The following KCNIP4 variants were observed in gnomAD, a reference collection of about 807,000 sequenced individuals.
KCNIP4 encodes the protein Kv channel-interacting protein 4.
A neutral mutation model predicts 34.0 loss-of-function variants in KCNIP4; 12 were observed. The observed-to-expected ratio is 0.35, with a 90% CI of 0.23 to 0.57. The LOEUF is 0.57. Ranked by LOEUF, KCNIP4 falls within the 20% of genes least tolerant of loss-of-function variation. KCNIP4 has a pLI of 0.83. For synonymous variants in KCNIP4, 124 were observed against 102.2 expected (o/e 1.21, Z -1.29); for missense variants, 238 against 311.7 (o/e 0.76, Z 1.78).
chr4:21,574,230 T>C (rs1024258290), intron 1 of KCNIP4, among the ~76,000 whole-genome samples: 3 of 152,190 alleles, frequency 2.0e-5, no homozygotes, highest in Admixed American at 6.5e-5. Flanking sequence ...TGTAAGTTTA[T>C]CGTGTACCTG....
At chr4:21,871,570 C>T (rs1725814123) in intron 1 of KCNIP4, among the ~76,000 whole-genome samples, 1 of 152,008 alleles carries the variant, frequency 6.6e-6, no homozygotes, top group Non-Finnish European at 1.5e-5. Context: ...CATGTTCTCA[C>T]TTATAGGTGG....
intron 1 of KCNIP4, among the ~76,000 whole-genome samples, chr4:20,955,643 TGAATA>T: frequency 6.6e-6 from 1 of 152,136 alleles, no homozygotes; most frequent in African/African-American, 2.4e-5. Flanking sequence ...GAAACTTTCT[TGAATA>T]GAGTGAAAAA....
At chr4:20,959,011 G>C (rs569386210) in intron 1 of KCNIP4, among the ~76,000 whole-genome samples, 3 of 152,262 alleles carry the variant, frequency 2.0e-5, no homozygotes. Flanking sequence ...GAAATCAGTG[G>C]GTGTATACAA....
At chr4:21,938,321 T>C (rs1463532432) in intron 1 of KCNIP4, among the ~76,000 whole-genome samples, 1 of 152,168 alleles carries the variant, frequency 6.6e-6, no homozygotes, top group African/African-American at 2.4e-5. Flanking sequence ...TCTCTTTAGA[T>C]TCAGGGCTTC....
chr4:21,834,530 G>A (rs1246485350), intron 1 of KCNIP4, among the ~76,000 whole-genome samples: 12 of 152,072 alleles, frequency 7.9e-5, no homozygotes, highest in African/African-American at 1.4e-4. Context: ...CAATCATGTC[G>A]TCTGCAAACA....
At chr4:20,842,142 G>T (rs946669490) in intron 3 of KCNIP4, among the ~76,000 whole-genome samples, 4 of 152,048 alleles carry the variant, frequency 2.6e-5, no homozygotes, top group African/African-American at 9.7e-5. Flanking sequence ...AAAATTACCT[G>T]TCTTTTTTTG....
At chr4:21,075,294 A>G (rs1185732435) in intron 1 of KCNIP4, among the ~76,000 whole-genome samples, 1 of 152,140 alleles carries the variant, frequency 6.6e-6, no homozygotes, top group Non-Finnish European at 1.5e-5. Flanking sequence ...TAGGTCTCTA[A>G]GGACTTGCTT....
intron 1 of KCNIP4, among the ~76,000 whole-genome samples, chr4:21,354,707 T>C (rs1368113675): frequency 1.3e-5 from 2 of 152,096 alleles, no homozygotes; most frequent in African/African-American, 4.8e-5. Flanking sequence ...TGGGAGACTT[T>C]AACACCCCAC....
intron 1 of KCNIP4, among the ~76,000 whole-genome samples, chr4:21,470,921 T>C (rs1391648438): frequency 6.6e-6 from 1 of 152,132 alleles, no homozygotes; most frequent in Non-Finnish European, 1.5e-5. Context: ...GCAGCCAGGA[T>C]GGGGCATTAA....
chr4:20,764,244 T>C (rs7657542), intron 3 of KCNIP4, among the ~76,000 whole-genome samples: 34,159 of 152,068 alleles, frequency 0.22, 4,076 homozygotes, highest in East Asian at 0.33. Flanking sequence ...TAAGAGTATA[T>C]TGGTCATTTA....
chr4:20,861,599 T>C (rs1034007140), intron 2 of KCNIP4, among the ~76,000 whole-genome samples: 1 of 152,206 alleles, frequency 6.6e-6, no homozygotes, highest in African/African-American at 2.4e-5. Flanking sequence ...TAATTAGTAC[T>C]TTATCTTACT....
In KCNIP4 at chr4:21,607,883, C is replaced by T. The variant is rs901922473; in HGVS notation, c.61+340688G>A. On this transcript the variant is annotated intron_variant, in intron 1 of 8. Coordinates refer to ENST00000382152, the MANE Select transcript of KCNIP4 (RefSeq NM_025221.6). Reference sequence around the variant, plus strand: ...GACTCTCTAGTAACAAAGCTATTTCCATTGTTCCACAATCATCTGCTTCAC... The same window carrying T: ...GACTCTCTAGTAACAAAGCTATTTCTATTGTTCCACAATCATCTGCTTCAC... Among the ~76,000 whole-genome samples the T allele has an allele frequency of 3.3e-5, 5 of 152,236 alleles. No homozygotes were observed. In the South Asian group the frequency reaches 1.0e-3, roughly 32 times the overall value.
chr4:21,767,327 G>T (rs942807814), intron 1 of KCNIP4, among the ~76,000 whole-genome samples: 1 of 151,986 alleles, frequency 6.6e-6, no homozygotes, highest in Non-Finnish European at 1.5e-5. Flanking sequence ...GTTCAGAGCA[G>T]GGTGGGGCAG....
At chr4:20,952,691 T>A (rs1732902629) in intron 1 of KCNIP4, among the ~76,000 whole-genome samples, 1 of 152,150 alleles carries the variant, frequency 6.6e-6, no homozygotes, top group Admixed American at 6.5e-5. Flanking sequence ...ATTTAAAAAA[T>A]TAATTATTAA....
At chr4:21,661,874 G>A (rs1172854364) in intron 1 of KCNIP4, among the ~76,000 whole-genome samples, 1 of 152,170 alleles carries the variant, frequency 6.6e-6, no homozygotes, top group Non-Finnish European at 1.5e-5. Context: ...CAATTTTAGT[G>A]TAAAAGTAAC....
intron 1 of KCNIP4, among the ~76,000 whole-genome samples, chr4:21,606,835 C>G (rs1000149482): frequency 2.0e-5 from 3 of 152,068 alleles, no homozygotes; most frequent in African/African-American, 7.2e-5. Flanking sequence ...TTAGTTTTTA[C>G]TCTGCCTGCA....
chr4:21,903,007 T>C (rs928581875), intron 1 of KCNIP4, among the ~76,000 whole-genome samples: 3 of 152,116 alleles, frequency 2.0e-5, no homozygotes, highest in Non-Finnish European at 4.4e-5. Flanking sequence ...CTGCCCATAA[T>C]GTCTAATGAC....
At chr4:21,627,458 C>G (rs1745421120) in intron 1 of KCNIP4, among the ~76,000 whole-genome samples, 1 of 152,238 alleles carries the variant, frequency 6.6e-6, no homozygotes, top group South Asian at 2.1e-4. Context: ...TAAACATAAT[C>G]AGTGCAGTGC....
intron 1 of KCNIP4, among the ~76,000 whole-genome samples, chr4:21,357,251 CT>C (rs771095937): frequency 1.3e-5 from 2 of 152,114 alleles, no homozygotes; most frequent in Non-Finnish European, 1.5e-5. Context: ...AGGACATAGG[CT>C]TGGGCAAAGA....
Sources: allele counts gnomAD v4.1 joint callset (sites outside exome capture counted in the v4.1 genomes callset), GRCh38; gene constraint gnomAD v4.1.1; transcripts MANE v1.5; gene names NCBI Gene and HGNC (gene_info 2026-07-23, HGNC 2026-07-21).